Variants in PNPLA1 observed in about 807,000 individuals in gnomAD.
PNPLA1 encodes omega-hydroxyceramide transacylase.
Under a neutral mutation model 51.7 loss-of-function variants are expected in PNPLA1, and 36 were observed. The observed-to-expected ratio is 0.70, with a 90% CI of 0.53 to 0.92. The LOEUF (loss-of-function observed/expected upper bound fraction) is 0.92, where lower values mean the gene tolerates loss of function less well. Among genes scored for constraint, PNPLA1 ranks in the 40% least tolerant of loss-of-function variants. The pLI, the probability that PNPLA1 is intolerant of heterozygous loss-of-function variation, is 0.00. For missense variants in PNPLA1, 658 were observed against 682.5 expected (o/e 0.96, Z 0.40); for synonymous variants, 293 against 280.1 (o/e 1.05, Z -0.46).
At chr6:36,307,537 G>A (rs765499060) in intron 7 of PNPLA1, 50 bp from the exon 8 acceptor site, 6 of 1,595,018 alleles carry the variant, frequency 3.8e-6, no homozygotes, top group Non-Finnish European at 5.1e-6. Context: ...CCATGTTGGA[G>A]GACCGAGGTC....
rs2239795 is a variant in PNPLA1 at position 36,293,081 on chromosome 6, C to T, written c.459C>T (p.Phe153=). 0.38 allele frequency: 618,325 copies of T among 1,612,774 alleles called. 121,341 individuals are homozygous for T. The highest frequency in any genetic ancestry group is 0.53 in the African/African-American group (39,661 of 74,834). Residue 153 remains phenylalanine, a synonymous_variant, in exon 3 of 9, where the codon TTC becomes TTT. Transcript: ENST00000636260. ...CACAGGCCCTATACTGCAGCTGCTT[C>T]GTCCCGGTGTACTGTGGCCTCATCC... ...ELIEALYCSC[F]VPVYCGLIPP...
intron 1 of PNPLA1, among the ~76,000 whole-genome samples, chr6:36,254,087 C>T (rs1045380951): frequency 5.9e-5 from 9 of 152,148 alleles, no homozygotes; most frequent in Non-Finnish European, 1.3e-4. Flanking sequence ...AAAATTGCAA[C>T]CCTTTATTAA....
rs201125928 is a variant in PNPLA1, at chr6:36,293,055, G to C, written c.439-6G>C. 1 of 1,612,928 alleles carries C rather than the reference G, an allele frequency of 6.2e-7. No individual in the cohort carries two copies. The highest frequency in any genetic ancestry group is 8.5e-7 in the Non-Finnish European group (1 of 1,179,442). ...CCAGCATCTCAGCCCTGTTCTCTCC[G>C]CACAGGCCCTATACTGCAGCTGCTT... On this transcript the variant is annotated splice_polypyrimidine_tract_variant and splice_region_variant and intron_variant, in intron 2 of 8. Coordinates refer to ENST00000636260, the MANE Select transcript of PNPLA1 (RefSeq NM_001374623.1).
chr6:36,244,759 C>G (rs1177782735), intron 1 of PNPLA1, among the ~76,000 whole-genome samples: 1 of 152,228 alleles, frequency 6.6e-6, no homozygotes, highest in Non-Finnish European at 1.5e-5. Flanking sequence ...CAGCATGTTC[C>G]TCTGACAGCA....
At chr6:36,280,795 G>A (rs1343607059) in intron 1 of PNPLA1, among the ~76,000 whole-genome samples, 1 of 151,982 alleles carries the variant, frequency 6.6e-6, no homozygotes. Context: ...CGTTGTTATT[G>A]TTGTTGTTGT....
intron 1 of PNPLA1, among the ~76,000 whole-genome samples, chr6:36,282,169 AAG>A (rs1486733160): frequency 1.4e-5 from 2 of 144,480 alleles, no homozygotes; most frequent in South Asian, 2.3e-4. Flanking sequence ...GAAAGAAAGA[AAG>A]AGACAGAGAG....
intron 5 of PNPLA1, among the ~76,000 whole-genome samples, chr6:36,296,262 T>G (rs1770854504): frequency 6.6e-6 from 1 of 152,174 alleles, no homozygotes; most frequent in African/African-American, 2.4e-5. Context: ...GGCAACAGAG[T>G]GAGACCCTGT....
chr6:36,250,210 GA>G, intron 1 of PNPLA1, among the ~76,000 whole-genome samples: 1 of 152,246 alleles, frequency 6.6e-6, no homozygotes, highest in African/African-American at 2.4e-5. Flanking sequence ...TGGCTTCTGG[GA>G]GGCCTTTTGT....
At chr6:36,304,637 A>T (rs1382643465) in intron 6 of PNPLA1, among the ~76,000 whole-genome samples, 1 of 151,604 alleles carries the variant, frequency 6.6e-6, no homozygotes, top group African/African-American at 2.4e-5. Flanking sequence ...AGGAAAAAAA[A>T]AAAAAAAAAA....
rs1381526165 is a variant in PNPLA1, at chr6:36,313,465, TGAG to T, written c.*1583_*1585del. On this transcript the variant is annotated 3_prime_UTR_variant, in exon 9 of 9. Coordinates refer to ENST00000636260, the MANE Select transcript of PNPLA1 (RefSeq NM_001374623.1). ...CCATACTAAACTGCCCTTTGGAGCC[TGAG>T]GAGACCATATGCAAATTTAAGCCTG... is the stretch of plus-strand genomic sequence containing the variant. Among the ~76,000 whole-genome samples the T allele has an allele frequency of 2.0e-5, 3 of 152,320 alleles. No individual in the cohort carries two copies. In the East Asian group the frequency reaches 5.8e-4, roughly 29 times the overall value.
chr6:36,283,018 T>C (rs1770369997), intron 1 of PNPLA1, among the ~76,000 whole-genome samples: 4 of 152,152 alleles, frequency 2.6e-5, no homozygotes. Flanking sequence ...ATAATAAACT[T>C]TTTATTTTGG....
chr6:36,292,823 C>T (rs12523987), intron 2 of PNPLA1, among the ~76,000 whole-genome samples: 2 of 152,306 alleles, frequency 1.3e-5, no homozygotes, highest in Admixed American at 1.3e-4. Context: ...CTATGGAGGA[C>T]CCCCTCCTGC....
intron 1 of PNPLA1, among the ~76,000 whole-genome samples, chr6:36,288,841 G>A (rs1770588935): frequency 6.6e-6 from 1 of 152,176 alleles, no homozygotes; most frequent in African/African-American, 2.4e-5. Flanking sequence ...AGAGGCTGAG[G>A]TGAGAGGATT....
rs764308393 is a variant in PNPLA1, at chr6:36,301,885, C to G, written c.800C>G (p.Ser267Cys). 1.2e-6 allele frequency: 2 copies of G among 1,614,070 alleles called. No homozygotes were observed. ...RLNAVYLNSS[S>C]KRVIFPRVEV... ...GATGCTGTTTATCTTAATTCTTCCT[C>G]CAAGAGAGTGATTTTCCCCCGGGTG... The change falls in exon 6 of 9, where the codon TCC becomes TGC. Residue 267 changes from serine (S) to cysteine (C), a missense_variant. Ser to Cys is a moderately radical substitution (Grantham distance 112). Transcript: ENST00000636260.
At chr6:36,245,048 G>A (rs887318605) in intron 1 of PNPLA1, among the ~76,000 whole-genome samples, 2 of 152,354 alleles carry the variant, frequency 1.3e-5, no homozygotes, top group East Asian at 1.9e-4. Context: ...ATCTCGAAGC[G>A]GGGCCCGCAG....
intron 1 of PNPLA1, among the ~76,000 whole-genome samples, chr6:36,290,989 G>T (rs1201207573): frequency 6.6e-6 from 1 of 152,226 alleles, no homozygotes; most frequent in East Asian, 1.9e-4. Context: ...GTTAGGGAAA[G>T]CTATTGGGGG....
intron 1 of PNPLA1, among the ~76,000 whole-genome samples, chr6:36,262,624 T>C (rs1180365641): frequency 6.6e-6 from 1 of 152,240 alleles, no homozygotes; most frequent in Admixed American, 6.5e-5. Context: ...AGCGGTTTTA[T>C]TTCTGAAATG....
At chr6:36,287,324 G>A (rs1770524797) in intron 1 of PNPLA1, among the ~76,000 whole-genome samples, 1 of 152,170 alleles carries the variant, frequency 6.6e-6, no homozygotes, top group Non-Finnish European at 1.5e-5. Flanking sequence ...TGTGAGAGGA[G>A]GAGGAGAACC....
chr6:36,310,227 G>A (rs1322623167), intron 8 of PNPLA1, among the ~76,000 whole-genome samples: 1 of 152,208 alleles, frequency 6.6e-6, no homozygotes, highest in East Asian at 1.9e-4. Context: ...GTCTGCTCCA[G>A]GACCCTTTCA....
Sources: gnomAD v4.1 joint callset for allele counts (sites outside exome capture counted in the v4.1 genomes callset) on GRCh38, gnomAD v4.1.1 for gene constraint, MANE v1.5 for transcripts, NCBI Gene and HGNC (gene_info 2026-07-23, HGNC 2026-07-21) for gene names.